The following FAM221B variants were observed in gnomAD, a reference collection of about 807,000 sequenced individuals.
The protein encoded by FAM221B is protein FAM221B.
Under a neutral mutation model 39.8 loss-of-function variants are expected in FAM221B, and 35 were observed. The observed-to-expected ratio is 0.88, with a 90% CI of 0.67 to 1.17. FAM221B has a LOEUF of 1.17. Among genes scored for constraint, FAM221B ranks in the 50% most tolerant of loss-of-function variants. FAM221B has a pLI of 0.00. For missense variants in FAM221B, 479 were observed against 503.1 expected, an observed-to-expected ratio of 0.95 and a Z score of 0.46; for synonymous variants, 158 against 178.1, an observed-to-expected ratio of 0.89 and a Z score of 0.90.
At chr9:35,826,422 G>A (rs1042438478) in intron 1 of FAM221B, among the ~76,000 whole-genome samples, 1 of 152,152 alleles carries the variant, frequency 6.6e-6, no homozygotes, top group African/African-American at 2.4e-5. Context: ...GAAGTAGTTC[G>A]AATCCCATCA....
At position 35,825,511 on chromosome 9, in the gene FAM221B, G is replaced by T. The variant is rs1829319293; in HGVS notation, c.598+53C>A. 1.9e-6 allele frequency: 3 copies of T among 1,577,796 alleles called. No homozygotes were observed. Among genetic ancestry groups the T allele is most frequent in the South Asian group, 1.2e-5 (1 of 86,022 alleles). ...AGTGAATAGTAGTGAGAACAGGACA[G>T]GGGAGAGGACAGGTACAATTACAGC... is the stretch of plus-strand genomic sequence containing the variant. On this transcript the variant is annotated intron_variant, in intron 2 of 6. Transcript: ENST00000423537. This position sits in a 1 kb window ranked among gnomAD's most constrained non-coding sequence, Gnocchi z 4.2.
chr9:35,825,852 T>A lies in FAM221B; in HGVS notation c.310A>T (p.Lys104Ter). 6.2e-7 allele frequency: 1 copy of A among 1,614,054 alleles called. No homozygotes were observed. Among genetic ancestry groups the A allele is most frequent in the Non-Finnish European group, 8.5e-7 (1 of 1,180,026 alleles). The change falls in exon 2 of 7, where the codon AAA becomes TAA. Residue 104 changes from lysine (K) to a stop codon, truncating the protein, a stop_gained. Coordinates refer to ENST00000423537, the MANE Select transcript of FAM221B (RefSeq NM_001012446.4). LOFTEE classifies it high-confidence loss of function. This position sits in a 1 kb window ranked among gnomAD's most constrained non-coding sequence, Gnocchi z 4.2. ...LDSPISVVPEKHLTLPPQSRD... is the reference protein window; with the variant it reads ...LDSPISVVPE ...GATTGGGGAGGAAGAGTAAGGTGTT[T>A]CTCTGGCACCACTGAGATGGGACTA...
chr9:35,819,870 G>A lies in FAM221B; in HGVS notation c.853+20C>T. ...AGTTATTCCTCCACACTCGAGAGGG[G>A]CTGGTCAGTTCTCCCCTACCTGAGA... On this transcript the variant is annotated intron_variant, in intron 4 of 6. Coordinates refer to ENST00000423537, the MANE Select transcript of FAM221B (RefSeq NM_001012446.4). 1 of 1,402,760 alleles carries A rather than the reference G, an allele frequency of 7.1e-7. No homozygotes were observed. The highest frequency in any genetic ancestry group is 1.0e-6 in the Non-Finnish European group (1 of 996,136). 86.9% of individuals were successfully genotyped at this position (1,402,760 alleles called of 1,614,324 possible).
At position 35,825,696 on chromosome 9, in the gene FAM221B, A is replaced by G; in HGVS notation, c.466T>C (p.Cys156Arg). 6.2e-7 allele frequency: 1 copy of G among 1,614,198 alleles called. No individual in the cohort carries two copies. The highest frequency in any genetic ancestry group is 8.5e-7 in the Non-Finnish European group (1 of 1,180,032). ...LSESESLPEH[C>R]LSGPSSQVQV... ...ACCTGGGATGAAGGGCCTGAAAGAC[A>G]GTGTTCTGGAAGGCTCTCAGATTCA... Residue 156 changes from cysteine (C) to arginine (R), a missense_variant, in exon 2 of 7, where the codon TGT becomes CGT. Cys to Arg is a radical substitution (Grantham distance 180). Coordinates refer to ENST00000423537, the MANE Select transcript of FAM221B (RefSeq NM_001012446.4). The surrounding 1 kb of genome is among the most constrained non-coding windows in gnomAD (Gnocchi z 4.2).
intron 3 of FAM221B, chr9:35,821,670 C>T (rs1465044237): frequency 7.4e-7 from 1 of 1,343,880 alleles, no homozygotes; most frequent in Non-Finnish European, 1.0e-6. Context: ...AGGTGAGGCC[C>T]AAAGATCAAG....
chr9:35,824,315 G>T (rs1829237466), intron 3 of FAM221B, among the ~76,000 whole-genome samples: 1 of 152,096 alleles, frequency 6.6e-6, no homozygotes, highest in Non-Finnish European at 1.5e-5. Context: ...ACACAGGTAG[G>T]CATGCTCATG....
At chr9:35,822,699 G>A (rs1475632842) in intron 3 of FAM221B, among the ~76,000 whole-genome samples, 7 of 152,246 alleles carry the variant, frequency 4.6e-5, no homozygotes, top group African/African-American at 1.4e-4. Flanking sequence ...TAGCCGCTGC[G>A]CTCGGCCTGT....
chr9:35,825,155 C>T lies in FAM221B; in HGVS notation c.742+75G>A, dbSNP rs1829297460. The T allele has an allele frequency of 3.2e-6, 5 of 1,558,316 alleles. No homozygotes were observed. The highest frequency in any genetic ancestry group is 3.6e-5 in the Admixed American group (2 of 56,056). ...AAGGGGAAGCTATCTGCTGAATGTT[C>T]AGGTTCCCAGATCTTTTGGATTAGA... is the stretch of plus-strand genomic sequence containing the variant. On this transcript the variant is annotated intron_variant, in intron 3 of 6. Coordinates refer to ENST00000423537, the MANE Select transcript of FAM221B (RefSeq NM_001012446.4). This position sits in a 1 kb window ranked among gnomAD's most constrained non-coding sequence, Gnocchi z 4.2.
In FAM221B at chr9:35,826,046, A is replaced by T. The variant is rs1230973551; in HGVS notation, c.116T>A (p.Phe39Tyr). 6.2e-7 allele frequency: 1 copy of T among 1,614,074 alleles called. No homozygotes were observed. Among genetic ancestry groups the T allele is most frequent in the South Asian group, 1.1e-5 (1 of 91,074 alleles). ...GGTCTCAGAGGTGGAAGGCTTCAAG[A>T]AGCTTTCAGAGATATGGTTCTCCTG... ...DLQENHISES[F>Y]LKPSTSETPL... Residue 39 changes from phenylalanine (F) to tyrosine (Y), a missense_variant, in exon 2 of 7, where the codon TTC (phenylalanine) becomes TAC (tyrosine). Coordinates refer to ENST00000423537, the MANE Select transcript of FAM221B (RefSeq NM_001012446.4).
chr9:35,824,684 G>GT lies in FAM221B; in HGVS notation c.742+545dup, dbSNP rs1277189944. On this transcript the variant is annotated intron_variant, in intron 3 of 6. Transcript: ENST00000423537. ...GTTTTTTTTTGTTTTTTGTTTTTTG[G>GT]TTTTTTTTTTTTTTTGAGACGGAGT... 3.7e-3 allele frequency among the ~76,000 whole-genome samples: 523 copies of GT among 140,594 alleles called. 1 individual carries two copies. Among genetic ancestry groups the GT allele is most frequent in the Non-Finnish European group, 4.3e-3 (276 of 63,962 alleles). 92.2% of individuals were successfully genotyped at this position (140,594 alleles called of 152,430 possible). A position where few individuals can be genotyped will look rare whatever the true frequency, so the allele number is the denominator to read the frequency against.
rs1320190812 is a variant in FAM221B, at chr9:35,825,331, A to G, written c.641T>C (p.Leu214Pro). The change falls in exon 3 of 7, where the codon CTG becomes CCG. Residue 214 changes from leucine to proline, a missense_variant. By Grantham distance (98) the Leu-to-Pro change is moderately conservative (BLOSUM62 -3). Transcript: ENST00000423537. This position sits in a 1 kb window ranked among gnomAD's most constrained non-coding sequence, Gnocchi z 4.2. Reference sequence around the variant, plus strand: ...ATGCATTGCCTTAGCCACTTCCACCAGCTCTGTCTGCCTAGCAGGGAACAC... The same window carrying G: ...ATGCATTGCCTTAGCCACTTCCACCGGCTCTGTCTGCCTAGCAGGGAACAC... ...RPVFPARQTELVEVAKAMHRE... is the reference protein window; with the variant it reads ...RPVFPARQTEPVEVAKAMHRE... The G allele has an allele frequency of 1.9e-6, 3 of 1,614,228 alleles. No homozygotes were observed. Among genetic ancestry groups the G allele is most frequent in the Non-Finnish European group, 2.5e-6 (3 of 1,180,046 alleles).
Position 35,825,283 on chromosome 9 carries a change from A to C in FAM221B, c.689T>G (p.Val230Gly). 1 of 1,614,202 alleles carries C rather than the reference A, an allele frequency of 6.2e-7. No homozygotes were observed. The change falls in exon 3 of 7, where the codon GTG (valine) becomes GGG (glycine). Residue 230 changes from valine to glycine, a missense_variant. Transcript: ENST00000423537. This position sits in a 1 kb window ranked among gnomAD's most constrained non-coding sequence, Gnocchi z 4.2. ...AMHREEFGAQ[V>G]NNLFQWEKDA... is the part of the protein sequence containing the mutation. ...CTTCTCCCACTGGAAAAGATTGTTC[A>C]CTTGAGCACCAAACTCCTCTCTATG... is the stretch of plus-strand genomic sequence containing the variant.
In FAM221B at chr9:35,828,332, A is replaced by AACAACTACTACTACT. The variant is rs1471355172; in HGVS notation, c.-1+130_-1+131insAGTAGTAGTAGTTGT. ...CAACAACAACAACAACAACAACAAC[A>AACAACTACTACTACT]ACTACTACTACTACTACTACTACTA... On this transcript the variant is annotated intron_variant, in intron 1 of 6. Coordinates refer to ENST00000423537, the MANE Select transcript of FAM221B (RefSeq NM_001012446.4). The surrounding 1 kb of genome is among the most constrained non-coding windows in gnomAD (Gnocchi z 4.5). 9 of 109,002 alleles carry AACAACTACTACTACT rather than the reference A, an allele frequency of 8.3e-5. No homozygotes were observed. The highest frequency in any genetic ancestry group is 1.9e-4 in the Admixed American group (2 of 10,544). 6.8% of individuals were successfully genotyped at this position (109,002 alleles called of 1,614,324 possible).
Position 35,820,011 on chromosome 9 carries a change from A to C in FAM221B, c.743-11T>G. 1 of 1,595,920 alleles carries C rather than the reference A, an allele frequency of 6.3e-7. No individual in the cohort carries two copies. Among genetic ancestry groups the C allele is most frequent in the Non-Finnish European group, 8.6e-7 (1 of 1,163,710 alleles). Reference sequence around the variant, plus strand: ...AGCCAATGTAGAGACCTAGGTATGCAGGATTAAAAGTGAGAAGTAAAAAAA... The same window carrying C: ...AGCCAATGTAGAGACCTAGGTATGCCGGATTAAAAGTGAGAAGTAAAAAAA... On this transcript the variant is annotated splice_polypyrimidine_tract_variant and intron_variant, in intron 3 of 6. Transcript: ENST00000423537.
intron 1 of FAM221B, chr9:35,826,835 C>G (rs1419902968): frequency 1.3e-5 from 2 of 152,436 alleles, no homozygotes; most frequent in Non-Finnish European, 2.9e-5. Flanking sequence ...GTGATGGAGT[C>G]TCGCTCTGTT....
In FAM221B at chr9:35,825,372, A is replaced by C; in HGVS notation, c.600T>G (p.Gly200=). 6.2e-7 allele frequency: 1 copy of C among 1,614,100 alleles called. No homozygotes were observed. The highest frequency in any genetic ancestry group is 1.3e-5 in the African/African-American group (1 of 75,058). ...CAGGGAACACTGGGCGGGCTGTGTT[A>C]CCTAGGATGGGAGAGGATGAGTAAC... ...AHTAQPGHQL[G]NTARPVFPAR... is the part of the protein sequence containing the mutation. The change falls in exon 3 of 7, where the codon GGT becomes GGG. Residue 200 remains glycine, a splice_region_variant and synonymous_variant. Coordinates refer to ENST00000423537, the MANE Select transcript of FAM221B (RefSeq NM_001012446.4). This position sits in a 1 kb window ranked among gnomAD's most constrained non-coding sequence, Gnocchi z 4.2.
chr9:35,818,197 T>G lies in FAM221B; in HGVS notation c.*272A>C. ...TGGACACTTTTCAGTCTTTATCTTA[T>G]TGGTGCCCCAACTGCATCTAACATC... On this transcript the variant is annotated 3_prime_UTR_variant, in exon 7 of 7. Coordinates refer to ENST00000423537, the MANE Select transcript of FAM221B (RefSeq NM_001012446.4). 1 of 501,682 alleles carries G rather than the reference T, an allele frequency of 2.0e-6. No homozygotes were observed. Among genetic ancestry groups the G allele is most frequent in the Non-Finnish European group, 3.6e-6 (1 of 276,342 alleles). 31.1% of individuals were successfully genotyped at this position (501,682 alleles called of 1,614,324 possible).
At chr9:35,821,392 C>T (rs1406707873) in intron 3 of FAM221B, 1 of 1,340,578 alleles carries the variant, frequency 7.5e-7, no homozygotes, top group Non-Finnish European at 1.0e-6. Context: ...GTGGTCAGGG[C>T]CACAATTCAC....
At chr9:35,819,133 T>A in intron 5 of FAM221B, 64 bp downstream of exon 5, 1 of 1,532,670 alleles carries the variant, frequency 6.5e-7, no homozygotes, top group Non-Finnish European at 8.8e-7. Context: ...TCCATCATTA[T>A]CCCCAGATTG....
Sources: gnomAD v4.1 joint callset for allele counts (sites outside exome capture counted in the v4.1 genomes callset) on GRCh38, gnomAD v4.1.1 for gene constraint, Gnocchi (gnomAD v3.1) non-coding constraint, MANE v1.5 for transcripts, NCBI Gene and HGNC (gene_info 2026-07-23, HGNC 2026-07-21) for gene names.